Variants in CA10 observed in about 807,000 individuals in gnomAD.
CA10 encodes carbonic anhydrase-related protein 10.
In CA10, 14 loss-of-function variants were observed where a neutral mutation model predicts 44.2. The ratio of observed to expected loss-of-function variants is 0.32; its 90% confidence interval spans 0.21 to 0.50. The LOEUF (loss-of-function observed/expected upper bound fraction) is 0.50, where lower values mean the gene tolerates loss of function less well. Ranked by LOEUF, CA10 falls within the 20% of genes least tolerant of loss-of-function variation. CA10 has a pLI of 0.99. For missense variants in CA10, 350 were observed against 409.7 expected (o/e 0.85, Z 1.26); for synonymous variants, 159 against 141.6 (o/e 1.12, Z -0.87).
At chr17:51,744,309 C>T (rs1481181110) in intron 4 of CA10, among the ~76,000 whole-genome samples, 3 of 142,556 alleles carry the variant, frequency 2.1e-5, no homozygotes, top group Non-Finnish European at 4.5e-5. Context: ...AGCGAGACTC[C>T]ATCTCAAAAA....
intron 3 of CA10, among the ~76,000 whole-genome samples, chr17:51,806,407 A>C (rs558379242): frequency 6.6e-6 from 1 of 152,350 alleles, no homozygotes; most frequent in Admixed American, 6.5e-5. Flanking sequence ...AATTATATGC[A>C]ATCGTTAATA....
chr17:51,972,451 C>T (rs1209229378), intron 2 of CA10, among the ~76,000 whole-genome samples: 2 of 151,902 alleles, frequency 1.3e-5, no homozygotes, highest in Non-Finnish European at 2.9e-5. Context: ...CAGTTGTGAC[C>T]TTCATTACTG....
intron 2 of CA10, among the ~76,000 whole-genome samples, chr17:51,974,337 T>A (rs1984384007): frequency 6.9e-6 from 1 of 145,682 alleles, no homozygotes; most frequent in South Asian, 2.2e-4. Flanking sequence ...TGAGCCGAGA[T>A]CACGTCACTG....
chr17:51,646,336 T>C (rs1459930206), intron 6 of CA10, among the ~76,000 whole-genome samples: 1 of 152,146 alleles, frequency 6.6e-6, no homozygotes, highest in Non-Finnish European at 1.5e-5. Context: ...GTAAGCATCA[T>C]CTCCATATTC....
At chr17:51,978,285 G>C (rs1984529015) in intron 2 of CA10, among the ~76,000 whole-genome samples, 1 of 151,730 alleles carries the variant, frequency 6.6e-6, no homozygotes, top group Non-Finnish European at 1.5e-5. Flanking sequence ...AAATAGTGAG[G>C]TATTCACATT....
chr17:51,682,272 G>T (rs1914873299), intron 4 of CA10, among the ~76,000 whole-genome samples: 8 of 152,188 alleles, frequency 5.3e-5, no homozygotes, highest in Admixed American at 4.6e-4. Context: ...TAAGATGGGA[G>T]GCCAGGTGGA....
chr17:52,145,810 G>A (rs1323619232), intron 1 of CA10, among the ~76,000 whole-genome samples: 1 of 152,086 alleles, frequency 6.6e-6, no homozygotes, highest in Non-Finnish European at 1.5e-5. Context: ...CTCATAAACA[G>A]GTTATACATT....
intron 1 of CA10, among the ~76,000 whole-genome samples, chr17:52,090,294 A>G (rs1209826266): frequency 6.6e-6 from 1 of 152,162 alleles, no homozygotes; most frequent in African/African-American, 2.4e-5. Flanking sequence ...GTAACTTAAA[A>G]CTGTTTCCAA....
chr17:51,860,468 G>T (rs901270266), intron 3 of CA10, among the ~76,000 whole-genome samples: 1 of 152,224 alleles, frequency 6.6e-6, no homozygotes, highest in Non-Finnish European at 1.5e-5. Context: ...TGAATATGGA[G>T]GAGGTGGGCC....
chr17:51,846,986 G>A (rs1978522648), intron 3 of CA10, among the ~76,000 whole-genome samples: 1 of 152,188 alleles, frequency 6.6e-6, no homozygotes, highest in East Asian at 1.9e-4. Flanking sequence ...GCCTGATGAG[G>A]TAGGCAGATC....
chr17:51,656,712 T>A (rs1316793008), intron 4 of CA10, among the ~76,000 whole-genome samples: 1 of 152,234 alleles, frequency 6.6e-6, no homozygotes, highest in Non-Finnish European at 1.5e-5. Context: ...TAGGAGCTTG[T>A]TAGAAATGCA....
chr17:52,045,117 T>TA (rs1986875635), intron 2 of CA10, among the ~76,000 whole-genome samples: 1 of 151,758 alleles, frequency 6.6e-6, no homozygotes. Flanking sequence ...AGAATGCTAG[T>TA]AAACTTACTT....
intron 3 of CA10, among the ~76,000 whole-genome samples, chr17:51,787,473 G>GT (rs989832331): frequency 4.0e-5 from 6 of 150,968 alleles, no homozygotes; most frequent in African/African-American, 1.5e-4. Context: ...TGATATCATG[G>GT]TTTTTTCTAT....
intron 3 of CA10, among the ~76,000 whole-genome samples, chr17:51,894,808 A>G (rs548222829): frequency 6.6e-6 from 1 of 152,242 alleles, no homozygotes; most frequent in South Asian, 2.1e-4. Flanking sequence ...AACAGACTCA[A>G]TAGACCCAAT....
At chr17:52,004,991 A>G (rs1409154179) in intron 2 of CA10, among the ~76,000 whole-genome samples, 1 of 151,942 alleles carries the variant, frequency 6.6e-6, no homozygotes, top group Non-Finnish European at 1.5e-5. Flanking sequence ...AAAATAAAGT[A>G]AAACAAAGAC....
chr17:52,059,025 G>A lies in CA10; in HGVS notation c.136+13294C>T, dbSNP rs565429410. ...ATTTTTGGGGAAAAGAAATAACAAA[G>A]TATTTCTAATTGAGGGTGAGTCAGT... is the stretch of plus-strand genomic sequence containing the variant. On this transcript the variant is annotated intron_variant, in intron 2 of 8. Transcript: ENST00000451037. Among the ~76,000 whole-genome samples, 8 of 152,170 alleles carry A rather than the reference G, an allele frequency of 5.3e-5. No individual in the cohort carries two copies. The South Asian group carries it at 1.7e-3, about 32-fold the overall frequency.
chr17:51,710,283 C>T (rs956914971), intron 4 of CA10, among the ~76,000 whole-genome samples: 2 of 152,196 alleles, frequency 1.3e-5, no homozygotes, highest in South Asian at 4.1e-4. Flanking sequence ...GCCAGAAAAT[C>T]TTTTTGAAGG....
intron 3 of CA10, among the ~76,000 whole-genome samples, chr17:51,769,227 G>A (rs1905504266): frequency 6.6e-6 from 1 of 152,134 alleles, no homozygotes; most frequent in Non-Finnish European, 1.5e-5. Flanking sequence ...TGGGGTGGGA[G>A]AGCTGAAGGT....
intron 4 of CA10, among the ~76,000 whole-genome samples, chr17:51,711,347 T>C (rs1386383608): frequency 6.6e-6 from 1 of 152,214 alleles, no homozygotes; most frequent in African/African-American, 2.4e-5. Flanking sequence ...TAGTCCTGAA[T>C]ATTTTAAGAG....
Sources: gnomAD v4.1 joint callset for allele counts (sites outside exome capture counted in the v4.1 genomes callset) on GRCh38, gnomAD v4.1.1 for gene constraint, MANE v1.5 for transcripts, NCBI Gene and HGNC (gene_info 2026-07-23, HGNC 2026-07-21) for gene names.